Variants in DUSP16 observed in about 807,000 individuals in gnomAD.
DUSP16 encodes dual specificity phosphatase 16, also known as dual specificity protein phosphatase 16.
DUSP16 carries 21 observed loss-of-function variants against 58.3 expected under a neutral mutation model. The observed-to-expected ratio is 0.36, with a 90% CI of 0.26 to 0.52. DUSP16 has a LOEUF of 0.52. DUSP16 is among the 20% of genes least tolerant of loss of function. The pLI is 0.94. For missense variants in DUSP16, 726 were observed against 819.0 expected, an observed-to-expected ratio of 0.89 and a Z score of 1.39; for synonymous variants, 320 against 323.8, an observed-to-expected ratio of 0.99 and a Z score of 0.12.
chr12:12,553,959 A>C (rs1944771021), intron 1 of DUSP16, among the ~76,000 whole-genome samples: 1 of 152,136 alleles, frequency 6.6e-6, no homozygotes, highest in Non-Finnish European at 1.5e-5. Context: ...GCACTTTGAG[A>C]GGCCAAGACA....
In DUSP16 at chr12:12,477,491, G is replaced by C. The variant is rs759667155; in HGVS notation, c.1340C>G (p.Pro447Arg). 2.5e-5 allele frequency: 40 copies of C among 1,597,048 alleles called. No homozygotes were observed. Among genetic ancestry groups the C allele is most frequent in the Non-Finnish European group, 3.4e-5 (40 of 1,170,282 alleles). Residue 447 changes from proline to arginine, a missense_variant, in exon 7 of 7, where the codon CCT (proline) becomes CGT (arginine). Pro to Arg is a moderately radical substitution (Grantham distance 103). Transcript: ENST00000298573. This position sits in a 1 kb window ranked among gnomAD's most constrained non-coding sequence, Gnocchi z 4.1. ...DGTNKLCQFSPVQELSEQTPE... is the reference protein window; with the variant it reads ...DGTNKLCQFSRVQELSEQTPE... ...AGTCTGCTCCGATAGTTCCTGAACA[G>C]GGGAGAACTGGCATAGCTTGTTGGT...
intron 1 of DUSP16, among the ~76,000 whole-genome samples, chr12:12,556,114 C>G (rs1944802118): frequency 6.6e-6 from 1 of 152,070 alleles, no homozygotes; most frequent in Non-Finnish European, 1.5e-5. Context: ...AATTTCCTAC[C>G]TTGTATTAAA....
At chr12:12,520,822 C>A (rs755882743) in intron 2 of DUSP16, 49 bp downstream of exon 2, 14 of 1,595,626 alleles carry the variant, frequency 8.8e-6, no homozygotes, top group Non-Finnish European at 1.2e-5. Flanking sequence ...AATTATTCCT[C>A]ATTCAGTGTG....
chr12:12,544,661 T>C (rs1373209132), intron 1 of DUSP16, among the ~76,000 whole-genome samples: 4 of 152,218 alleles, frequency 2.6e-5, no homozygotes, highest in Non-Finnish European at 5.9e-5. Context: ...TTAGCTACTC[T>C]GATCAGTGTG....
chr12:12,555,806 G>A (rs746619661), intron 1 of DUSP16, among the ~76,000 whole-genome samples: 2 of 152,166 alleles, frequency 1.3e-5, no homozygotes, highest in African/African-American at 2.4e-5. Context: ...GCTTTGGGAC[G>A]CCGAGGTGGG....
At chr12:12,553,665 C>T (rs1456460428) in intron 1 of DUSP16, among the ~76,000 whole-genome samples, 1 of 152,030 alleles carries the variant, frequency 6.6e-6, no homozygotes, top group Admixed American at 6.5e-5. Context: ...ACCTGAGCCC[C>T]ACGAGTGGCT....
intron 5 of DUSP16, among the ~76,000 whole-genome samples, chr12:12,482,408 C>G (rs1376982723): frequency 1.3e-5 from 2 of 152,164 alleles, no homozygotes; most frequent in Admixed American, 6.5e-5. Flanking sequence ...GTTTTTATAA[C>G]CACAACTCTT....
At chr12:12,486,291 A>G (rs1216178565) in intron 5 of DUSP16, among the ~76,000 whole-genome samples, 2 of 152,100 alleles carry the variant, frequency 1.3e-5, no homozygotes, top group Non-Finnish European at 2.9e-5. Context: ...ACTGTCCACT[A>G]AAGCCACATT....
Position 12,503,224 on chromosome 12 carries a change from C to CTTT in DUSP16, c.368-2545_368-2543dup, listed in dbSNP as rs34349090. Among the ~76,000 whole-genome samples, 981 of 115,408 alleles carry CTTT rather than the reference C, an allele frequency of 8.5e-3. 37 individuals carry two copies. The highest frequency in any genetic ancestry group is 0.029 in the African/African-American group (923 of 31,474). The allele number at this position is 115,408 out of a possible 152,430, so 75.7% of individuals were successfully genotyped here. On this transcript the variant is annotated intron_variant, in intron 3 of 6. Coordinates refer to ENST00000298573, the MANE Select transcript of DUSP16 (RefSeq NM_030640.3). The stretch of plus-strand genomic sequence containing the variant: ...ACTCAGGAGGTATCACTGGTTATTG[C>CTTT]TTTTTTTTTTTTTTTTTTTGAGACA...
chr12:12,524,766 ACTTT>A (rs1263062663), intron 1 of DUSP16, among the ~76,000 whole-genome samples: 2 of 152,292 alleles, frequency 1.3e-5, no homozygotes, highest in African/African-American at 2.4e-5. Context: ...AAGTTGAAAT[ACTTT>A]CTTTAGATTT....
rs142652742 is a variant in DUSP16 at position 12,477,706 on chromosome 12, C to G, written c.1125G>C (p.Pro375=). The G allele has an allele frequency of 6.2e-7, 1 of 1,612,966 alleles. No homozygotes were observed. Among genetic ancestry groups the G allele is most frequent in the South Asian group, 1.1e-5 (1 of 91,032 alleles). ...SVQPSLLEDS[P]LVQALSGLHL... is the part of the protein sequence containing the mutation. ...GCAGCCCACTGAGCGCCTGTACCAG[C>G]GGGCTGTCCTCTAACAGCGACGGCT... is the stretch of plus-strand genomic sequence containing the variant. Residue 375 remains proline, a synonymous_variant, in exon 7 of 7, where the codon CCG becomes CCC. Coordinates refer to ENST00000298573, the MANE Select transcript of DUSP16 (RefSeq NM_030640.3). The surrounding 1 kb of genome is among the most constrained non-coding windows in gnomAD (Gnocchi z 4.1).
chr12:12,513,274 C>T (rs1248435113), intron 3 of DUSP16, among the ~76,000 whole-genome samples: 2 of 152,204 alleles, frequency 1.3e-5, no homozygotes, highest in Admixed American at 1.3e-4. Context: ...TTGATGATCT[C>T]TTCTGGCTAA....
At chr12:12,540,130 T>TAAA (rs34452441) in intron 1 of DUSP16, among the ~76,000 whole-genome samples, 1 of 139,864 alleles carries the variant, frequency 7.1e-6, no homozygotes. Context: ...GACTCTACTT[T>TAAA]AAAAAAAAAA....
At chr12:12,539,740 C>G (rs1374851634) in intron 1 of DUSP16, among the ~76,000 whole-genome samples, 1 of 129,146 alleles carries the variant, frequency 7.7e-6, no homozygotes, top group Non-Finnish European at 1.6e-5. Context: ...AAGGTTGGGC[C>G]AGCAGTTATT....
At position 12,500,580 on chromosome 12, in the gene DUSP16, A is replaced by G. The variant is rs1943894115; in HGVS notation, c.470T>C (p.Ile157Thr). ...ISQPCLPVAN[I>T]GPTRILPNLY... ...ATTGGGAAGAATTCGGGTTGGCCCAATGTTGGCAACAGGTAAGCAAGGCTG... is the reference window on the plus strand; with the variant it reads ...ATTGGGAAGAATTCGGGTTGGCCCAGTGTTGGCAACAGGTAAGCAAGGCTG... Residue 157 changes from isoleucine (I) to threonine (T), a missense_variant, in exon 4 of 7, where the codon ATT becomes ACT. By Grantham distance (89) the Ile-to-Thr change is moderately conservative. Transcript: ENST00000298573. 8 of 1,612,516 alleles carry G rather than the reference A, an allele frequency of 5.0e-6. No individual in the cohort carries two copies. Among genetic ancestry groups the G allele is most frequent in the East Asian group, 2.2e-5 (1 of 44,688 alleles).
intron 4 of DUSP16, among the ~76,000 whole-genome samples, chr12:12,499,091 T>C (rs1943873564): frequency 6.6e-6 from 1 of 152,248 alleles, no homozygotes; most frequent in South Asian, 2.1e-4. Flanking sequence ...GAATGTGTCA[T>C]TTAACTGAGT....
rs1943376801 is a variant in DUSP16 at position 12,474,427 on chromosome 12, A to G, written c.*2406T>C. ...CATTTTCCAGCACTTCTCACATAGA[A>G]GTCTAGTTTTGCTCTTTAAAATCAC... On this transcript the variant is annotated 3_prime_UTR_variant, in exon 7 of 7. Coordinates refer to ENST00000298573, the MANE Select transcript of DUSP16 (RefSeq NM_030640.3). The G allele has an allele frequency of 6.6e-6, 1 of 152,344 alleles. No homozygotes were observed. Among genetic ancestry groups the G allele is most frequent in the African/African-American group, 2.4e-5 (1 of 41,568 alleles). The allele number at this position is 152,344 out of a possible 1,614,324, so 9.4% of individuals were successfully genotyped here.
chr12:12,550,272 CAAA>C (rs35519025), intron 1 of DUSP16, among the ~76,000 whole-genome samples: 4 of 97,390 alleles, frequency 4.1e-5, no homozygotes, highest in African/African-American at 4.4e-5. Flanking sequence ...GACTCCGTCT[CAAA>C]AAAAAAAAAA....
intron 3 of DUSP16, among the ~76,000 whole-genome samples, chr12:12,511,379 TAA>T (rs1944077666): frequency 6.6e-6 from 1 of 152,182 alleles, no homozygotes; most frequent in Non-Finnish European, 1.5e-5. Context: ...CCTTCTGATT[TAA>T]AGAGCTTACA....
Sources: gnomAD v4.1 joint callset for allele counts (sites outside exome capture counted in the v4.1 genomes callset) on GRCh38, gnomAD v4.1.1 for gene constraint, Gnocchi (gnomAD v3.1) non-coding constraint, MANE v1.5 for transcripts, NCBI Gene and HGNC (gene_info 2026-07-23, HGNC 2026-07-21) for gene names.